FAM178B: variants seen among roughly 807,000 people sequenced by gnomAD.
FAM178B encodes protein FAM178B.
FAM178B carries 82 observed loss-of-function variants against 91.7 expected under a neutral mutation model. That is an observed-to-expected ratio of 0.89 (90% CI 0.75 to 1.07). FAM178B has a LOEUF of 1.07. Among genes scored for constraint, FAM178B ranks in the 50% least tolerant of loss-of-function variants. The pLI is 0.00. For missense variants in FAM178B, 769 were observed against 846.7 expected (o/e 0.91, Z 1.14); for synonymous variants, 368 against 359.4 (o/e 1.02, Z -0.27).
intron 8 of FAM178B, among the ~76,000 whole-genome samples, chr2:96,929,683 T>C (rs1052594055): frequency 1.3e-5 from 2 of 152,236 alleles, no homozygotes; most frequent in African/African-American, 4.8e-5. Context: ...CAAGGCTCAC[T>C]GGACACCAGG....
chr2:96,926,747 G>A (rs1401663580), intron 9 of FAM178B, among the ~76,000 whole-genome samples: 1 of 152,352 alleles, frequency 6.6e-6, no homozygotes, highest in African/African-American at 2.4e-5. Flanking sequence ...ATCTGGAAGC[G>A]CTAGATGGGA....
At chr2:96,900,041 ACT>A (rs548422175) in intron 13 of FAM178B, among the ~76,000 whole-genome samples, 2 of 149,800 alleles carry the variant, frequency 1.3e-5, no homozygotes, top group South Asian at 4.2e-4. Flanking sequence ...AGCTCTCCTC[ACT>A]CTATGCACAG....
intron 14 of FAM178B, among the ~76,000 whole-genome samples, chr2:96,885,469 C>T (rs1437812746): frequency 6.6e-6 from 1 of 152,218 alleles, no homozygotes; most frequent in African/African-American, 2.4e-5. Context: ...GGCTCCTGCT[C>T]GTGGTACTGA....
At chr2:96,896,543 G>A (rs2080827797) in intron 13 of FAM178B, among the ~76,000 whole-genome samples, 1 of 152,126 alleles carries the variant, frequency 6.6e-6, no homozygotes, top group African/African-American at 2.4e-5. Flanking sequence ...CAGACACCTA[G>A]GGCGAGAAGC....
intron 16 of FAM178B, among the ~76,000 whole-genome samples, chr2:96,877,508 T>C (rs905698836): frequency 1.3e-5 from 2 of 151,986 alleles, no homozygotes; most frequent in African/African-American, 4.8e-5. Flanking sequence ...GTTCAAGGGA[T>C]TCTCCTGCCT....
chr2:96,896,453 G>A (rs1048344514), intron 13 of FAM178B, among the ~76,000 whole-genome samples: 2 of 151,992 alleles, frequency 1.3e-5, no homozygotes, highest in African/African-American at 4.8e-5. Context: ...AGGAACCAGC[G>A]GGGATGGGCC....
At chr2:96,912,250 C>A (rs949121811) in intron 12 of FAM178B, among the ~76,000 whole-genome samples, 3 of 152,088 alleles carry the variant, frequency 2.0e-5, no homozygotes, top group African/African-American at 7.2e-5. Flanking sequence ...CAGCACTGGG[C>A]TGCTGCCAAG....
At chr2:96,916,371 T>C (rs2153370449) in intron 12 of FAM178B, among the ~76,000 whole-genome samples, 1 of 152,348 alleles carries the variant, frequency 6.6e-6, no homozygotes, top group Non-Finnish European at 1.5e-5. Flanking sequence ...TGAGCCGTTT[T>C]ACGCAGGCTT....
Position 96,960,404 on chromosome 2 carries a change from G to T in FAM178B, c.771C>A (p.Thr257=). The part of the protein sequence containing the change: ...LVEKYSVSLQ[T]IPPVHPGETV... Reference sequence around the variant, plus strand: ...TCTCACCTGGATGGACCGGCGGGATGGTCTGCAGGGACACTGAGTACTTTT... The same window carrying T: ...TCTCACCTGGATGGACCGGCGGGATTGTCTGCAGGGACACTGAGTACTTTT... Residue 257 remains threonine, a synonymous_variant, in exon 6 of 17, where the codon ACC becomes ACA. Coordinates refer to ENST00000490605, the MANE Select transcript of FAM178B (RefSeq NM_001122646.3). 6.4e-7 allele frequency: 1 copy of T among 1,551,276 alleles called. No homozygotes were observed. The highest frequency in any genetic ancestry group is 8.7e-7 in the Non-Finnish European group (1 of 1,146,686).
At chr2:96,962,057 T>C (rs1379906232) in intron 5 of FAM178B, among the ~76,000 whole-genome samples, 1 of 152,168 alleles carries the variant, frequency 6.6e-6, no homozygotes, top group Non-Finnish European at 1.5e-5. Context: ...GGCTCAGCAC[T>C]ATGGGAGGCT....
At chr2:96,929,424 GT>G (rs2081503691) in intron 8 of FAM178B, 104 bp from the exon 9 acceptor site, 1 of 794,342 alleles carries the variant, frequency 1.3e-6, no homozygotes, top group Non-Finnish European at 2.1e-6. Context: ...AAGATAACCA[GT>G]TTTTGCCTTC....
chr2:96,974,750 C>T (rs1303935913), intron 1 of FAM178B, among the ~76,000 whole-genome samples: 1 of 152,072 alleles, frequency 6.6e-6, no homozygotes, highest in African/African-American at 2.4e-5. Context: ...CACAAATAAA[C>T]TTTAAGTCAA....
chr2:96,951,023 C>T (rs1277416508), intron 7 of FAM178B, among the ~76,000 whole-genome samples: 3 of 152,060 alleles, frequency 2.0e-5, no homozygotes, highest in Non-Finnish European at 4.4e-5. Flanking sequence ...GGGCTTGGAC[C>T]GATTCACTGA....
At chr2:96,880,923 C>T (rs961849225) in intron 14 of FAM178B, among the ~76,000 whole-genome samples, 4 of 152,016 alleles carry the variant, frequency 2.6e-5, no homozygotes, top group East Asian at 1.9e-4. Flanking sequence ...ATACTGCCAA[C>T]GGTAATTGGC....
At chr2:96,936,385 T>G (rs2081628972) in intron 8 of FAM178B, among the ~76,000 whole-genome samples, 1 of 151,546 alleles carries the variant, frequency 6.6e-6, no homozygotes, top group Non-Finnish European at 1.5e-5. Flanking sequence ...GTATTTTTAG[T>G]AGAGACGGGG....
chr2:96,963,661 C>T (rs779087817), intron 5 of FAM178B, among the ~76,000 whole-genome samples: 1 of 152,182 alleles, frequency 6.6e-6, no homozygotes, highest in Non-Finnish European at 1.5e-5. Context: ...CTAATTTGGG[C>T]CAGGCAAAGT....
intron 1 of FAM178B, among the ~76,000 whole-genome samples, chr2:96,979,020 A>C (rs1359810275): frequency 1.6e-5 from 2 of 126,906 alleles, no homozygotes; most frequent in African/African-American, 3.0e-5. Flanking sequence ...CTCTGTTGCC[A>C]GGCTGGAGTG....
At chr2:96,983,435 A>G (rs1192940561) in intron 1 of FAM178B, among the ~76,000 whole-genome samples, 2 of 151,962 alleles carry the variant, frequency 1.3e-5, no homozygotes, top group Non-Finnish European at 2.9e-5. Context: ...ATAAAATCAT[A>G]TATATATATT....
chr2:96,946,436 C>G (rs1355827355), intron 8 of FAM178B, among the ~76,000 whole-genome samples: 3 of 152,204 alleles, frequency 2.0e-5, no homozygotes, highest in Admixed American at 1.3e-4. Context: ...CTCTCACTTT[C>G]CCCATACCAG....
Sources: allele counts gnomAD v4.1 joint callset (sites outside exome capture counted in the v4.1 genomes callset), GRCh38; gene constraint gnomAD v4.1.1; transcripts MANE v1.5; gene names NCBI Gene and HGNC (gene_info 2026-07-23, HGNC 2026-07-21).